Variants in RUNX3 observed in about 807,000 individuals in gnomAD.
RUNX3 encodes the protein RUNX family transcription factor 3, also known as runt-related transcription factor 3.
RUNX3 carries 10 observed loss-of-function variants against 27.7 expected under a neutral mutation model. That is an observed-to-expected ratio of 0.36 (90% CI 0.22 to 0.61). The LOEUF (loss-of-function observed/expected upper bound fraction) is 0.61, where lower values mean the gene tolerates loss of function less well. Among genes scored for constraint, RUNX3 ranks in the 20% least tolerant of loss-of-function variants. The probability of loss-of-function intolerance (pLI) is 0.72; values close to 1 mark genes in which losing one functional copy is unlikely to be tolerated. For missense variants in RUNX3, 469 were observed against 629.5 expected (o/e 0.75, Z 2.73); for synonymous variants, 270 against 269.2 (o/e 1.00, Z -0.03).
intron 2 of RUNX3, among the ~76,000 whole-genome samples, chr1:24,947,270 C>G (rs1231602468): frequency 6.6e-6 from 1 of 152,178 alleles, no homozygotes; most frequent in Non-Finnish European, 1.5e-5. Context: ...GGGGCAAAGT[C>G]CCAGCACTAC....
intron 3 of RUNX3, among the ~76,000 whole-genome samples, chr1:24,911,718 C>T (rs1372000669): frequency 1.3e-5 from 2 of 152,252 alleles, no homozygotes; most frequent in East Asian, 1.9e-4. Context: ...TCCCCCGACT[C>T]CAAGCCCAGG....
chr1:24,927,480 G>T lies in RUNX3; in HGVS notation c.439+94C>A. Reference sequence around the variant, plus strand: ...TAGACAGAGCTGCATCTGGAGACCTGTTTTTCGGGATTCTAAGGCCCCTCT... The same window carrying T: ...TAGACAGAGCTGCATCTGGAGACCTTTTTTTCGGGATTCTAAGGCCCCTCT... On this transcript the variant is annotated intron_variant, in intron 2 of 4. Transcript: ENST00000308873. This position sits in a 1 kb window ranked among gnomAD's most constrained non-coding sequence, Gnocchi z 5.0. 7.9e-7 allele frequency: 1 copy of T among 1,273,732 alleles called. No individual in the cohort carries two copies. The highest frequency in any genetic ancestry group is 1.1e-6 in the Non-Finnish European group (1 of 882,554). 78.9% of individuals were successfully genotyped at this position (1,273,732 alleles called of 1,614,324 possible).
At chr1:24,937,846 A>G (rs1228568459) in intron 2 of RUNX3, among the ~76,000 whole-genome samples, 1 of 152,154 alleles carries the variant, frequency 6.6e-6, no homozygotes, top group South Asian at 2.1e-4. Flanking sequence ...TGCCACTTGT[A>G]AATTTATTAG....
At chr1:24,942,195 A>G (rs529389921) in intron 2 of RUNX3, among the ~76,000 whole-genome samples, 1 of 152,278 alleles carries the variant, frequency 6.6e-6, no homozygotes, top group East Asian at 1.9e-4. Context: ...TGAGATGGAA[A>G]GGAAAAGGAG....
intron 2 of RUNX3, among the ~76,000 whole-genome samples, chr1:24,937,979 A>C (rs1641387385): frequency 6.6e-6 from 1 of 151,752 alleles, no homozygotes; most frequent in African/African-American, 2.4e-5. Flanking sequence ...GTCTTCTTCC[A>C]CTCTTTCACG....
intron 3 of RUNX3, among the ~76,000 whole-genome samples, chr1:24,914,395 G>C (rs898316128): frequency 8.5e-5 from 13 of 152,200 alleles, no homozygotes; most frequent in Non-Finnish European, 1.5e-4. Context: ...CCGGCTCTGC[G>C]GCCTGTCAGG....
chr1:24,902,726 G>A lies in RUNX3; in HGVS notation c.704-60C>T, dbSNP rs572445558. The A allele has an allele frequency of 6.7e-5, 95 of 1,412,250 alleles. No homozygotes were observed. The African/African-American group carries it at 8.6e-4, about 13-fold the overall frequency. 87.5% of individuals were successfully genotyped at this position (1,412,250 alleles called of 1,614,324 possible). A position where few individuals can be genotyped will look rare whatever the true frequency, so the allele number is the denominator to read the frequency against. ...CGAGACAACCCCAGGAGGGCTTCCT[G>A]AAGAATGACCTTGGGCTCTGGTTCC... On this transcript the variant is annotated intron_variant, in intron 4 of 4. Transcript: ENST00000308873. This position sits in a 1 kb window ranked among gnomAD's most constrained non-coding sequence, Gnocchi z 9.2.
intron 2 of RUNX3, among the ~76,000 whole-genome samples, chr1:24,959,533 CAT>C (rs2124385502): frequency 6.6e-6 from 1 of 152,306 alleles, no homozygotes; most frequent in East Asian, 1.9e-4. Context: ...CCCATGGACA[CAT>C]GTGCTCAGGG....
chr1:24,934,630 G>C (rs1641307057), upstream of RUNX3, among the ~76,000 whole-genome samples: 1 of 152,184 alleles, frequency 6.6e-6, no homozygotes, highest in Non-Finnish European at 1.5e-5. Context: ...CGTCATATGT[G>C]GTAGGTGTTA....
chr1:24,942,582 G>A (rs1486282552), intron 2 of RUNX3, among the ~76,000 whole-genome samples: 1 of 152,116 alleles, frequency 6.6e-6, no homozygotes, highest in African/African-American at 2.4e-5. Flanking sequence ...CAGGAAGGGA[G>A]AAGGGGGCTG....
At position 24,929,681 on chromosome 1, in the gene RUNX3, G is replaced by A; in HGVS notation, c.188C>T (p.Ala63Val). 1 of 1,587,058 alleles carries A rather than the reference G, an allele frequency of 6.3e-7. No homozygotes were observed. Residue 63 changes from alanine (A) to valine (V), a missense_variant, in exon 1 of 5, where the codon GCA becomes GTA. Ala to Val is a moderately conservative substitution (Grantham distance 64, BLOSUM62 0). Coordinates refer to ENST00000308873, the MANE Select transcript of RUNX3 (RefSeq NM_004350.3). ...GCTGTCGGTGCGCACGAGCTCGCCT[G>A]CGTGGTCCGCCAGCACGTCCACCAT... ...RSMVDVLADH[A>V]GELVRTDSPN... is the part of the protein sequence containing the mutation.
At chr1:24,964,820 A>G (rs1642217869) in intron 1 of RUNX3, 1 of 1,009,248 alleles carries the variant, frequency 9.9e-7, no homozygotes, top group Admixed American at 3.1e-5. Flanking sequence ...CAAGGAAAGT[A>G]AGTTTCTGTT....
At chr1:24,908,721 G>A (rs1196776912) in intron 3 of RUNX3, among the ~76,000 whole-genome samples, 2 of 152,162 alleles carry the variant, frequency 1.3e-5, no homozygotes, top group African/African-American at 4.8e-5. Flanking sequence ...CCCCAAGGGA[G>A]GCAGGGAGAT....
intron 2 of RUNX3, among the ~76,000 whole-genome samples, chr1:24,960,495 C>T (rs1457660188): frequency 6.6e-6 from 1 of 152,306 alleles, no homozygotes. Context: ...ACTGACTAAA[C>T]AGATGAACGC....
At chr1:24,961,278 T>C (rs1642105342) in intron 2 of RUNX3, 1 of 152,230 alleles carries the variant, frequency 6.6e-6, no homozygotes, top group African/African-American at 2.4e-5. Context: ...ACTGGCTGAG[T>C]ACAGGTGCCT....
chr1:24,901,776 C>T lies in RUNX3; in HGVS notation c.*346G>A. On this transcript the variant is annotated 3_prime_UTR_variant, in exon 5 of 5. Transcript: ENST00000308873. Reference sequence around the variant, plus strand: ...CTCTGGAAGAGAGATGGCCTCTGTCCCAGGAGACATGGGTCCCATGCAGCA... The same window carrying T: ...CTCTGGAAGAGAGATGGCCTCTGTCTCAGGAGACATGGGTCCCATGCAGCA... 3.6e-6 allele frequency: 1 copy of T among 274,140 alleles called. No homozygotes were observed. The highest frequency in any genetic ancestry group is 6.9e-6 in the Non-Finnish European group (1 of 144,596). The allele number at this position is 274,140 out of a possible 1,614,324, so 17.0% of individuals were successfully genotyped here.
chr1:24,924,116 C>G (rs1248378403), intron 2 of RUNX3, among the ~76,000 whole-genome samples: 1 of 152,118 alleles, frequency 6.6e-6, no homozygotes, highest in African/African-American at 2.4e-5. Context: ...CCTGTAATCC[C>G]AACACTTTGA....
At chr1:24,908,148 C>CGAACCTCTACGACACGCGGTGATCT (rs1640715026) in intron 3 of RUNX3, among the ~76,000 whole-genome samples, 1 of 125,336 alleles carries the variant, frequency 8.0e-6, no homozygotes, top group African/African-American at 3.6e-5. Flanking sequence ...CGCGGTGATC[C>CGAACCTCTACGACACGCGGTGATCT]GAACCTCTAC....
At position 24,901,836 on chromosome 1, in the gene RUNX3, G is replaced by T; in HGVS notation, c.*286C>A. The stretch of plus-strand genomic sequence containing the variant: ...GCTGGAGACAGTGAGGTCCTTCCGG[G>T]GGGGTGGCAGGAGGCTGATTCCCCA... On this transcript the variant is annotated 3_prime_UTR_variant, in exon 5 of 5. Transcript: ENST00000308873. 2.2e-6 allele frequency: 1 copy of T among 445,386 alleles called. No individual in the cohort carries two copies. The highest frequency in any genetic ancestry group is 4.0e-5 in the South Asian group (1 of 25,242). 27.6% of individuals were successfully genotyped at this position (445,386 alleles called of 1,614,324 possible).
Sources: gnomAD v4.1 joint callset for allele counts (sites outside exome capture counted in the v4.1 genomes callset) on GRCh38, gnomAD v4.1.1 for gene constraint, Gnocchi (gnomAD v3.1) non-coding constraint, MANE v1.5 for transcripts, NCBI Gene and HGNC (gene_info 2026-07-23, HGNC 2026-07-21) for gene names.